Variants in SUGCT observed in about 807,000 individuals in gnomAD.
SUGCT encodes succinyl-CoA:glutarate-CoA transferase.
SUGCT carries 41 observed loss-of-function variants against 55.0 expected under a neutral mutation model. The observed-to-expected ratio is 0.74, with a 90% CI of 0.58 to 0.97. SUGCT has a LOEUF of 0.97. Among genes scored for constraint, SUGCT ranks in the 50% least tolerant of loss-of-function variants. The pLI is 0.00. For synonymous variants in SUGCT, 187 were observed against 200.4 expected, an observed-to-expected ratio of 0.93 and a Z score of 0.56; for missense variants, 568 against 547.8, an observed-to-expected ratio of 1.04 and a Z score of -0.37.
chr7:40,435,904 C>T (rs1314301698), intron 9 of SUGCT, among the ~76,000 whole-genome samples: 3 of 151,160 alleles, frequency 2.0e-5, no homozygotes, highest in Non-Finnish European at 3.0e-5. Flanking sequence ...CTCCCATATG[C>T]CATACTTTAT....
At chr7:40,901,659 A>G in the SUGCT span, among the ~76,000 whole-genome samples, 1 of 152,220 alleles carries the variant, frequency 6.6e-6, no homozygotes, top group Non-Finnish European at 1.5e-5. Flanking sequence ...TGGCACATAG[A>G]TCCCAAAGCA....
At chr7:40,353,283 A>T (rs1797731170) in intron 9 of SUGCT, among the ~76,000 whole-genome samples, 1 of 152,150 alleles carries the variant, frequency 6.6e-6, no homozygotes, top group African/African-American at 2.4e-5. Flanking sequence ...ATTAGTCTAA[A>T]TACGCAAAGG....
At chr7:40,263,844 T>G (rs534765107) in intron 7 of SUGCT, among the ~76,000 whole-genome samples, 66 of 152,326 alleles carry the variant, frequency 4.3e-4, no homozygotes, top group African/African-American at 1.6e-3. Flanking sequence ...TGCTTTCTTC[T>G]TTCCCCCTTC....
At chr7:40,229,639 C>T (rs1474567918) in intron 6 of SUGCT, among the ~76,000 whole-genome samples, 1 of 151,704 alleles carries the variant, frequency 6.6e-6, no homozygotes. Context: ...ATGGTGAAAC[C>T]TCATCTCTAC....
chr7:40,228,256 TTCTC>T (rs144532218), intron 6 of SUGCT, among the ~76,000 whole-genome samples: 1 of 152,086 alleles, frequency 6.6e-6, no homozygotes, highest in Non-Finnish European at 1.5e-5. Flanking sequence ...TTTTTCCCAA[TTCTC>T]TCTCTCTTTT....
intron 9 of SUGCT, among the ~76,000 whole-genome samples, chr7:40,338,781 T>C (rs901387392): frequency 4.6e-5 from 7 of 152,258 alleles, no homozygotes; most frequent in Non-Finnish European, 7.3e-5. Flanking sequence ...CTTTGTTCCA[T>C]TGCTGGCAAG....
At chr7:40,907,096 AGTGTGTGTGTGT>A in the SUGCT span, among the ~76,000 whole-genome samples, 17 of 101,740 alleles carry the variant, frequency 1.7e-4, no homozygotes, top group East Asian at 1.8e-3. Flanking sequence ...TTGTTCTGAT[AGTGTGTGTGTGT>A]GTGTGTGTGT....
At chr7:40,455,327 T>A (rs560551564) in intron 10 of SUGCT, among the ~76,000 whole-genome samples, 70 of 152,234 alleles carry the variant, frequency 4.6e-4, no homozygotes, top group Non-Finnish European at 8.1e-4. Flanking sequence ...AAGAATAAAC[T>A]GATCTAAGTC....
chr7:40,820,038 T>C (rs1791897503), intron 13 of SUGCT, among the ~76,000 whole-genome samples: 1 of 152,006 alleles, frequency 6.6e-6, no homozygotes, highest in Non-Finnish European at 1.5e-5. Flanking sequence ...TTTCTTGTTT[T>C]TGTCAGGTTT....
intron 12 of SUGCT, among the ~76,000 whole-genome samples, chr7:40,614,574 G>A (rs1193148992): frequency 6.6e-6 from 1 of 152,158 alleles, no homozygotes; most frequent in East Asian, 1.9e-4. Flanking sequence ...CTTAATGGTA[G>A]TTGTGCTGTT....
chr7:40,181,139 A>G, intron 2 of SUGCT, 141 bp downstream of exon 2: 1 of 691,200 alleles, frequency 1.4e-6, no homozygotes, highest in Non-Finnish European at 2.5e-6. Context: ...AAATTGCTGT[A>G]ATATCATCAT....
At chr7:40,252,072 G>A (rs1277324098) in intron 7 of SUGCT, among the ~76,000 whole-genome samples, 23 of 152,026 alleles carry the variant, frequency 1.5e-4, no homozygotes, top group Admixed American at 1.5e-3. Flanking sequence ...ATGAAATGAT[G>A]TACTTAACAT....
chr7:40,700,426 ACT>A (rs2128661382), intron 12 of SUGCT, among the ~76,000 whole-genome samples: 1 of 152,240 alleles, frequency 6.6e-6, no homozygotes, highest in Admixed American at 6.5e-5. Flanking sequence ...TTATTCATGG[ACT>A]CTGTAGTGGG....
the SUGCT span, among the ~76,000 whole-genome samples, chr7:41,031,067 T>G: frequency 1.3e-5 from 2 of 152,272 alleles, no homozygotes; most frequent in South Asian, 4.1e-4. Context: ...GCTCAAGTGA[T>G]CTTCCCACTT....
intron 9 of SUGCT, among the ~76,000 whole-genome samples, chr7:40,334,187 T>C (rs141333045): frequency 0.012 from 1,774 of 152,306 alleles, 21 homozygotes; most frequent in Non-Finnish European, 0.018. Context: ...GTCTTTGCTA[T>C]TGTGAATAGT....
At chr7:40,701,276 A>G (rs1200535640) in intron 12 of SUGCT, among the ~76,000 whole-genome samples, 1 of 152,204 alleles carries the variant, frequency 6.6e-6, no homozygotes, top group East Asian at 1.9e-4. Context: ...GCTTTGGCTG[A>G]ACTTGTCCTC....
downstream of SUGCT, among the ~76,000 whole-genome samples, chr7:40,865,304 A>C (rs1794560505): frequency 6.6e-6 from 1 of 152,144 alleles, no homozygotes; most frequent in African/African-American, 2.4e-5. Context: ...CTCAGTCTTT[A>C]GGAAGATAAC....
intron 12 of SUGCT, among the ~76,000 whole-genome samples, chr7:40,671,443 A>T (rs1368996600): frequency 6.6e-6 from 1 of 152,226 alleles, no homozygotes; most frequent in East Asian, 1.9e-4. Context: ...AAAGGTAGAA[A>T]ATAAAATGGT....
At chr7:40,390,487 G>A (rs1469628673) in intron 9 of SUGCT, among the ~76,000 whole-genome samples, 1 of 152,202 alleles carries the variant, frequency 6.6e-6, no homozygotes, top group East Asian at 1.9e-4. Context: ...CCTATACACT[G>A]ATAACAGACA....
Sources: gnomAD v4.1 joint callset for allele counts (sites outside exome capture counted in the v4.1 genomes callset) on GRCh38, gnomAD v4.1.1 for gene constraint, MANE v1.5 for transcripts, NCBI Gene and HGNC (gene_info 2026-07-23, HGNC 2026-07-21) for gene names.